The following PP2D1 variants were observed in gnomAD, a reference collection of about 807,000 sequenced individuals.
The protein encoded by PP2D1 is protein phosphatase 2C-like domain-containing protein 1.
Under a neutral mutation model 30.2 loss-of-function variants are expected in PP2D1, and 25 were observed. That is an observed-to-expected ratio of 0.83 (90% CI 0.60 to 1.16). The LOEUF is 1.16. Ranked by LOEUF, PP2D1 falls within the 50% of genes most tolerant of loss-of-function variation. The pLI is 0.00. For synonymous variants in PP2D1, 260 were observed against 258.9 expected (o/e 1.00, Z -0.04); for missense variants, 760 against 742.4 (o/e 1.02, Z -0.28).
intron 2 of PP2D1, among the ~76,000 whole-genome samples, chr3:19,987,322 T>C (rs1697052125): frequency 6.6e-6 from 1 of 152,124 alleles, no homozygotes; most frequent in Admixed American, 6.6e-5. Flanking sequence ...AAATTGATTT[T>C]CCCCAAGTTT....
At chr3:20,005,616 A>G (rs1203210807) in intron 1 of PP2D1, among the ~76,000 whole-genome samples, 1 of 152,192 alleles carries the variant, frequency 6.6e-6, no homozygotes, top group Non-Finnish European at 1.5e-5. Flanking sequence ...AACATCTCAG[A>G]CACATAATAG....
chr3:19,994,729 A>G (rs1429030887), intron 2 of PP2D1, among the ~76,000 whole-genome samples: 1 of 152,202 alleles, frequency 6.6e-6, no homozygotes, highest in Non-Finnish European at 1.5e-5. Flanking sequence ...GTCCAGGGAA[A>G]CCAATGCAGC....
intron 2 of PP2D1, among the ~76,000 whole-genome samples, chr3:19,988,737 TTC>T (rs1480272190): frequency 6.6e-6 from 1 of 152,126 alleles, no homozygotes; most frequent in Non-Finnish European, 1.5e-5. Context: ...GCTTTAAAAT[TTC>T]TGTCTTTACT....
intron 2 of PP2D1, among the ~76,000 whole-genome samples, chr3:19,987,377 ATT>A (rs1355831697): frequency 6.6e-6 from 1 of 152,120 alleles, no homozygotes; most frequent in East Asian, 1.9e-4. Flanking sequence ...ATAATTACAT[ATT>A]GTTTTTCTTG....
downstream of PP2D1, among the ~76,000 whole-genome samples, chr3:19,980,725 C>T (rs1696909695): frequency 6.6e-6 from 1 of 152,120 alleles, no homozygotes; most frequent in African/African-American, 2.4e-5. Context: ...TTCAACATTT[C>T]TGGGGCTTTG....
chr3:20,000,009 C>T (rs1178763268), intron 2 of PP2D1, among the ~76,000 whole-genome samples: 1 of 152,150 alleles, frequency 6.6e-6, no homozygotes, highest in Admixed American at 6.5e-5. Flanking sequence ...CTTTCTGGCA[C>T]CTTGACATTT....
chr3:19,984,222 GT>G, downstream of PP2D1: 1 of 420,848 alleles, frequency 2.4e-6, no homozygotes, highest in South Asian at 1.7e-5. Flanking sequence ...AACATTCTTT[GT>G]TTAGAAGGAG....
intron 1 of PP2D1, among the ~76,000 whole-genome samples, chr3:20,005,985 G>A (rs909000658): frequency 6.6e-6 from 1 of 151,914 alleles, no homozygotes; most frequent in African/African-American, 2.4e-5. Flanking sequence ...AGTGGCTCAC[G>A]CATAATCCCA....
chr3:20,012,014 A>C (rs570087801), intron 1 of PP2D1, 36 bp downstream of exon 1: 2 of 1,464,562 alleles, frequency 1.4e-6, no homozygotes, highest in Non-Finnish European at 1.8e-6. Flanking sequence ...CTCATTGGCT[A>C]TACGTATTAT....
rs753222359 is a variant in PP2D1, at chr3:19,998,191, G to A, written c.1090+2839C>T. Among the ~76,000 whole-genome samples, 264 of 152,230 alleles carry A rather than the reference G, an allele frequency of 1.7e-3. 1 individual carries two copies. Among genetic ancestry groups the A allele is most frequent in the Non-Finnish European group, 5.1e-4 (35 of 68,014 alleles). ...CTAAAAATACAAAAATTGTCCAGCC[G>A]TGGTGGCATGCACCTGTTATCCCAG... is the stretch of plus-strand genomic sequence containing the variant. On this transcript the variant is annotated intron_variant, in intron 2 of 2. Transcript: ENST00000389050.
chr3:20,004,718 C>A (rs1330411142), intron 1 of PP2D1, among the ~76,000 whole-genome samples: 1 of 151,822 alleles, frequency 6.6e-6, no homozygotes, highest in Non-Finnish European at 1.5e-5. Flanking sequence ...ATTTCATGTA[C>A]AATTTCTAGG....
chr3:19,987,055 T>G (rs1301659931), intron 2 of PP2D1, among the ~76,000 whole-genome samples: 8 of 146,506 alleles, frequency 5.5e-5, no homozygotes, highest in Non-Finnish European at 1.1e-4. Context: ...AAAAAAAAAA[T>G]CATTCCTGTG....
At position 20,002,038 on chromosome 3, in the gene PP2D1, C is replaced by T. The variant is rs867373759; in HGVS notation, c.82G>A (p.Asp28Asn). 7.2e-6 allele frequency: 11 copies of T among 1,535,232 alleles called. No homozygotes were observed. In the South Asian group the frequency reaches 1.3e-4, roughly 18 times the overall value. The change falls in exon 2 of 3, where the codon GAT becomes AAT. Residue 28 changes from aspartate (D) to asparagine (N), a missense_variant. By Grantham distance (23) the Asp-to-Asn change is conservative (BLOSUM62 1). Around this residue, in one of 3 missense-constraint regions of PP2D1, gnomAD observed 374 missense variants for 388.8 expected, o/e 0.96. Coordinates refer to ENST00000389050, the MANE Select transcript of PP2D1 (RefSeq NM_001252657.2). ...MKTSTFDSDE[D>N]ILLLPKRKRF... is the part of the protein sequence containing the mutation. ...TTTCTTTTGGGTAAAAGTAGAATAT[C>T]CTCATCTGAATCAAATGTTGATGTT... is the stretch of plus-strand genomic sequence containing the variant.
At chr3:19,996,591 C>A (rs1350490673) in intron 2 of PP2D1, among the ~76,000 whole-genome samples, 5 of 152,184 alleles carry the variant, frequency 3.3e-5, no homozygotes, top group Non-Finnish European at 5.9e-5. Context: ...ATGAGCCCAG[C>A]ATTACCTGGA....
chr3:19,985,462 G>C lies in PP2D1; in HGVS notation c.1811C>G (p.Ala604Gly), dbSNP rs180814073. The change falls in exon 3 of 3, where the codon GCT becomes GGT. Residue 604 changes from alanine to glycine, a missense_variant. By Grantham distance (60) the Ala-to-Gly change is moderately conservative. Coordinates refer to ENST00000389050, the MANE Select transcript of PP2D1 (RefSeq NM_001252657.2). ...GTCTCTGGAGCCAGCCAGTAAAGCAGCATTTACAAGTTCATGGCTAACATA... is the reference window on the plus strand; with the variant it reads ...GTCTCTGGAGCCAGCCAGTAAAGCACCATTTACAAGTTCATGGCTAACATA... ...AEYVSHELVN[A>G]ALLAGSRDNI... The C allele has an allele frequency of 1.3e-6, 2 of 1,536,050 alleles. No homozygotes were observed. The highest frequency in any genetic ancestry group is 2.4e-5 in the East Asian group (1 of 40,902).
intron 2 of PP2D1, among the ~76,000 whole-genome samples, chr3:19,996,243 A>G (rs1026806507): frequency 2.0e-5 from 3 of 152,156 alleles, no homozygotes; most frequent in Admixed American, 6.5e-5. Context: ...ATCAGAAATG[A>G]AAAAGGAGAC....
rs765149325 is a variant in PP2D1 at position 20,001,857 on chromosome 3, A to G, written c.263T>C (p.Leu88Pro). 6.5e-7 allele frequency: 1 copy of G among 1,535,708 alleles called. No individual in the cohort carries two copies. Residue 88 changes from leucine to proline, a missense_variant, in exon 2 of 3, where the codon CTG becomes CCG. By Grantham distance (98) the Leu-to-Pro change is moderately conservative. Transcript: ENST00000389050. ...CATCCATTGGAAACCCAGCGTGGCC[A>G]GAGCTACATGTTGCTTCTTATGGAG... ...IFLHKKQHVALATLGFQWMGR... is the reference protein window; with the variant it reads ...IFLHKKQHVAPATLGFQWMGR...
Position 20,001,291 on chromosome 3 carries a change from A to T in PP2D1, c.829T>A (p.Cys277Ser). The change falls in exon 2 of 3, where the codon TGT (cysteine) becomes AGT (serine). Residue 277 changes from cysteine (C) to serine (S), a missense_variant. Physicochemically the swap from Cys to Ser is moderately radical, Grantham distance 112. Around this residue, in one of 3 missense-constraint regions of PP2D1, gnomAD observed 374 missense variants for 388.8 expected, o/e 0.96. Coordinates refer to ENST00000389050, the MANE Select transcript of PP2D1 (RefSeq NM_001252657.2). ...SAINKTEAVR[C>S]EYEDTHKAFA... ...GCTTTGTGTGTGTCCTCATACTCAC[A>T]CCTCACTGCTTCTGTTTTGTTTATG... is the stretch of plus-strand genomic sequence containing the variant. 6.5e-7 allele frequency: 1 copy of T among 1,535,944 alleles called. No homozygotes were observed. Among genetic ancestry groups the T allele is most frequent in the Non-Finnish European group, 8.7e-7 (1 of 1,146,746 alleles).
chr3:20,011,655 C>T (rs540893382), intron 1 of PP2D1, among the ~76,000 whole-genome samples: 68 of 151,910 alleles, frequency 4.5e-4, no homozygotes, highest in Middle Eastern at 3.4e-3. Context: ...AAAAATTAGC[C>T]GGGCATGGTG....
Sources: gnomAD v4.1 joint callset for allele counts (sites outside exome capture counted in the v4.1 genomes callset) on GRCh38, gnomAD v4.1.1 for gene constraint, gnomAD v4.1.1 regional missense constraint, MANE v1.5 for transcripts, NCBI Gene and HGNC (gene_info 2026-07-23, HGNC 2026-07-21) for gene names.